Variants in ATP6V1C2 observed in about 807,000 individuals in gnomAD.
ATP6V1C2 encodes the protein V-type proton ATPase subunit C 2.
A neutral mutation model predicts 56.8 loss-of-function variants in ATP6V1C2; 45 were observed. The observed-to-expected ratio is 0.79, with a 90% confidence interval of 0.62 to 1.02. ATP6V1C2 has a LOEUF of 1.02. ATP6V1C2 is among the 50% of genes least tolerant of loss of function. The pLI is 0.00. For synonymous variants in ATP6V1C2, 220 were observed against 201.3 expected (o/e 1.09, Z -0.79); for missense variants, 463 against 519.7 (o/e 0.89, Z 1.06).
chr2:10,764,218 G>A, intron 4 of ATP6V1C2, 113 bp from the exon 5 acceptor site: 2 of 910,238 alleles, frequency 2.2e-6, no homozygotes, highest in African/African-American at 1.6e-5. Context: ...CGCCGGCGTT[G>A]CCCATGATGG....
intron 3 of ATP6V1C2, among the ~76,000 whole-genome samples, chr2:10,738,074 G>A (rs539582808): frequency 9.2e-5 from 14 of 152,270 alleles, no homozygotes; most frequent in African/African-American, 2.4e-4. Context: ...CTTGAATTCC[G>A]TGCTGCCTGA....
intron 3 of ATP6V1C2, among the ~76,000 whole-genome samples, chr2:10,751,284 AC>A (rs1453628650): frequency 6.6e-6 from 1 of 152,064 alleles, no homozygotes; most frequent in Non-Finnish European, 1.5e-5. Context: ...GGGGCAGAGA[AC>A]CCAAAACAGT....
rs1665622863 is a variant in ATP6V1C2 at position 10,784,731 on chromosome 2, G to A, written c.*1468G>A. The A allele has an allele frequency of 3.6e-6, 2 of 560,208 alleles. No homozygotes were observed. Among genetic ancestry groups the A allele is most frequent in the Admixed American group, 3.4e-5 (1 of 29,070 alleles). 34.7% of individuals were successfully genotyped at this position (560,208 alleles called of 1,614,324 possible). On this transcript the variant is annotated 3_prime_UTR_variant, in exon 14 of 14. Coordinates refer to ENST00000272238, the MANE Select transcript of ATP6V1C2 (RefSeq NM_001039362.2). ...CTTACTACTGAAATGTATCTTGGCT[G>A]TCAAGAGTATCAAATGCCATGCAGC...
intron 3 of ATP6V1C2, among the ~76,000 whole-genome samples, chr2:10,736,801 C>CTTTTT (rs35166388): frequency 9.7e-6 from 1 of 102,654 alleles, no homozygotes; most frequent in Non-Finnish European, 2.1e-5. Context: ...AGATATTGTG[C>CTTTTT]TTTTTTTTTT....
intron 3 of ATP6V1C2, among the ~76,000 whole-genome samples, chr2:10,741,214 G>A (rs1452671651): frequency 6.6e-6 from 1 of 152,240 alleles, no homozygotes; most frequent in Non-Finnish European, 1.5e-5. Flanking sequence ...AAAGCATGGT[G>A]TGTCTGTGTC....
Position 10,728,980 on chromosome 2 carries a change from A to C in ATP6V1C2, c.197+2411A>C, listed in dbSNP as rs1446897625. On this transcript the variant is annotated intron_variant, in intron 3 of 13. Coordinates refer to ENST00000272238, the MANE Select transcript of ATP6V1C2 (RefSeq NM_001039362.2). ...GAAAATACAAAAAAAAAAAAAAAAA[A>C]ATAGTTGGGTGCGGTGGCTGGCGCC... is the stretch of plus-strand genomic sequence containing the variant. 1.1e-4 allele frequency among the ~76,000 whole-genome samples: 16 copies of C among 149,662 alleles called. No individual in the cohort carries two copies. The East Asian group carries it at 3.0e-3, about 28-fold the overall frequency.
chr2:10,755,026 A>C (rs918914501), intron 4 of ATP6V1C2, among the ~76,000 whole-genome samples: 11 of 150,882 alleles, frequency 7.3e-5, no homozygotes, highest in Non-Finnish European at 8.9e-5. Context: ...ATATATAGAT[A>C]TATTTTTTGA....
At chr2:10,724,267 C>G (rs1333812179) in intron 2 of ATP6V1C2, among the ~76,000 whole-genome samples, 7 of 152,286 alleles carry the variant, frequency 4.6e-5, no homozygotes, top group African/African-American at 1.7e-4. Flanking sequence ...GCCCAAACAG[C>G]TGCCCCATCA....
Position 10,784,354 on chromosome 2 carries a change from G to A in ATP6V1C2, c.*1091G>A, listed in dbSNP as rs544276209. On this transcript the variant is annotated 3_prime_UTR_variant, in exon 14 of 14. Coordinates refer to ENST00000272238, the MANE Select transcript of ATP6V1C2 (RefSeq NM_001039362.2). ...GGGAGACGACAGAAAGCCACTGTTAGATCTGCAGAAGGGGACACCCTGGAA... is the reference window on the plus strand; with the variant it reads ...GGGAGACGACAGAAAGCCACTGTTAAATCTGCAGAAGGGGACACCCTGGAA... The A allele has an allele frequency of 1.6e-5, 26 of 1,593,820 alleles. No individual in the cohort carries two copies. Among genetic ancestry groups the A allele is most frequent in the Non-Finnish European group, 2.1e-5 (24 of 1,164,800 alleles).
At chr2:10,769,129 G>A (rs561070864) in intron 6 of ATP6V1C2, among the ~76,000 whole-genome samples, 18 of 152,364 alleles carry the variant, frequency 1.2e-4, no homozygotes, top group African/African-American at 3.6e-4. Context: ...GAGGCTGCAC[G>A]GAGGGCCCCC....
intron 3 of ATP6V1C2, among the ~76,000 whole-genome samples, chr2:10,746,537 G>T (rs945430503): frequency 6.6e-6 from 1 of 151,340 alleles, no homozygotes; most frequent in Non-Finnish European, 1.5e-5. Context: ...CTCAGCCTCC[G>T]AAGTAGCTGG....
At chr2:10,771,450 G>A (rs1307161907) in intron 6 of ATP6V1C2, among the ~76,000 whole-genome samples, 1 of 152,232 alleles carries the variant, frequency 6.6e-6, no homozygotes, top group Non-Finnish European at 1.5e-5. Flanking sequence ...CTAAGAGCTG[G>A]CCGTTGTGTT....
intron 1 of ATP6V1C2, among the ~76,000 whole-genome samples, chr2:10,722,505 G>A (rs1444740000): frequency 2.0e-5 from 3 of 152,010 alleles, no homozygotes; most frequent in Admixed American, 6.5e-5. Flanking sequence ...GAAGGTGTCC[G>A]CCTCCAGCTT....
Position 10,722,968 on chromosome 2 carries a change from C to T in ATP6V1C2, c.119C>T (p.Pro40Leu). 1 of 1,613,916 alleles carries T rather than the reference C, an allele frequency of 6.2e-7. No homozygotes were observed. The highest frequency in any genetic ancestry group is 8.5e-7 in the Non-Finnish European group (1 of 1,179,954). The change falls in exon 2 of 14, where the codon CCT becomes CTT. Residue 40 changes from proline (P) to leucine (L), a missense_variant. Physicochemically the swap from Pro to Leu is moderately conservative, Grantham distance 98 (BLOSUM62 -3). Transcript: ENST00000272238. ...NLSYNTKFAI[P>L]DFKVGTLDSL... is the part of the protein sequence containing the mutation. ...TCTTATAATACCAAATTCGCTATTC[C>T]TGACTTCAAGGTAAAATTCTTGGGG...
At chr2:10,761,136 T>C (rs1271420982) in intron 4 of ATP6V1C2, among the ~76,000 whole-genome samples, 8 of 152,142 alleles carry the variant, frequency 5.3e-5, no homozygotes, top group African/African-American at 1.7e-4. Flanking sequence ...TTGCCTGTCC[T>C]ACGTGTTGAA....
At chr2:10,745,041 C>CTTTTTTTTTTTTTTTTTTTTTT (rs5829274) in intron 3 of ATP6V1C2, among the ~76,000 whole-genome samples, 1 of 113,314 alleles carries the variant, frequency 8.8e-6, no homozygotes, top group African/African-American at 3.4e-5. Flanking sequence ...TATTTATTTT[C>CTTTTTTTTTTTTTTTTTTTTTT]TTTTTTTTTT....
intron 3 of ATP6V1C2, among the ~76,000 whole-genome samples, chr2:10,751,899 G>A (rs991515490): frequency 1.3e-5 from 2 of 152,062 alleles, no homozygotes; most frequent in South Asian, 2.1e-4. Context: ...CTTTAGCCCC[G>A]GAGTTCGAGA....
upstream of ATP6V1C2, chr2:10,721,535 G>A (rs1053845630): frequency 2.6e-5 from 4 of 152,184 alleles, no homozygotes; most frequent in East Asian, 3.9e-4. Flanking sequence ...TGGCTGGAGC[G>A]AGGCGGGAGG....
intron 11 of ATP6V1C2, 43 bp from the exon 12 acceptor site, chr2:10,778,529 C>A (rs367606026): frequency 6.4e-7 from 1 of 1,574,800 alleles, no homozygotes; most frequent in Admixed American, 1.7e-5. Flanking sequence ...CTGTGTCAGG[C>A]GGGGTGTTCA....
Sources: allele counts gnomAD v4.1 joint callset (sites outside exome capture counted in the v4.1 genomes callset), GRCh38; gene constraint gnomAD v4.1.1; transcripts MANE v1.5; gene names NCBI Gene and HGNC (gene_info 2026-07-23, HGNC 2026-07-21).